Variants in RUNX1T1 observed in about 807,000 individuals in gnomAD.
RUNX1T1 encodes the protein RUNX1 partner transcriptional co-repressor 1, also known as protein CBFA2T1.
In RUNX1T1, 4 loss-of-function variants were observed where a neutral mutation model predicts 62.8. That is an observed-to-expected ratio of 0.06 (90% CI 0.03 to 0.15). The LOEUF (loss-of-function observed/expected upper bound fraction) is 0.15, where lower values mean the gene tolerates loss of function less well. RUNX1T1 is among the 10% of genes least tolerant of loss of function. RUNX1T1 has a pLI of 1.00. For missense variants in RUNX1T1, 508 were observed against 754.3 expected (o/e 0.67, Z 3.82); for synonymous variants, 291 against 286.0 (o/e 1.02, Z -0.18).
intron 1 of RUNX1T1, among the ~76,000 whole-genome samples, chr8:92,033,208 A>G (rs1826588216): frequency 6.6e-6 from 1 of 152,200 alleles, no homozygotes; most frequent in Admixed American, 6.5e-5. Flanking sequence ...CTATTCAACA[A>G]TAGGCATTTG....
intron 8 of RUNX1T1, among the ~76,000 whole-genome samples, chr8:91,976,523 C>T (rs1284190976): frequency 2.6e-5 from 4 of 152,148 alleles, no homozygotes; most frequent in Admixed American, 6.5e-5. Context: ...ATTTGACATA[C>T]GTGAAAGCCA....
At chr8:91,983,906 A>G (rs1815979119) in intron 8 of RUNX1T1, among the ~76,000 whole-genome samples, 1 of 152,200 alleles carries the variant, frequency 6.6e-6, no homozygotes, top group Non-Finnish European at 1.5e-5. Context: ...AAAAACTGTA[A>G]AAGCACTACT....
In RUNX1T1 at chr8:91,959,412, TTGTGTGTGTGTGTGTGTGTGTGTG is replaced by T. The variant is rs56037232; in HGVS notation, c.*806_*829del. 2.7e-4 allele frequency: 38 copies of T among 139,484 alleles called. 1 individual carries two copies. The highest frequency in any genetic ancestry group is 5.7e-4 in the African/African-American group (12 of 21,096). 8.6% of individuals were successfully genotyped at this position (139,484 alleles called of 1,614,324 possible). On this transcript the variant is annotated 3_prime_UTR_variant, in exon 11 of 11. Coordinates refer to ENST00000396218, the Ensembl canonical transcript of RUNX1T1. ...ATTAACTGCAGGCTGAGTCTCTTAC[TTGTGTGTGTGTGTGTGTGTGTGTG>T]TGTGTGTGTGTGTGTGTGTGTGTGT...
chr8:91,992,033 C>T (rs375698481), intron 5 of RUNX1T1, 144 bp from the exon 7 acceptor site: 24 of 843,336 alleles, frequency 2.8e-5, no homozygotes, highest in South Asian at 1.3e-4. Flanking sequence ...AGAAAACATA[C>T]GGGAATTCAC....
intron 8 of RUNX1T1, 65 bp from the exon 10 acceptor site, chr8:91,976,038 GCA>G: frequency 8.5e-7 from 1 of 1,169,710 alleles, no homozygotes; most frequent in Non-Finnish European, 1.3e-6. Context: ...TTGTGTCATC[GCA>G]CAGAGTGAAA....
chr8:91,991,994 G>T, intron 5 of RUNX1T1, 105 bp from the exon 7 acceptor site: 2 of 1,245,708 alleles, frequency 1.6e-6, no homozygotes, highest in Admixed American at 2.1e-5. Context: ...ATTTTTTATT[G>T]GCCAGAAACC....
intron 1 of RUNX1T1, among the ~76,000 whole-genome samples, chr8:92,047,851 C>T (rs1829649491): frequency 6.6e-6 from 1 of 152,104 alleles, no homozygotes; most frequent in Non-Finnish European, 1.5e-5. Flanking sequence ...GGACACCACA[C>T]CCACTTAATC....
chr8:92,036,248 G>A (rs967254903), intron 1 of RUNX1T1, among the ~76,000 whole-genome samples: 7 of 152,078 alleles, frequency 4.6e-5, no homozygotes, highest in Non-Finnish European at 7.3e-5. Flanking sequence ...AGATCTATAA[G>A]GTTGTTTTCA....
chr8:92,093,867 A>T (rs927569503), intron 1 of RUNX1T1, among the ~76,000 whole-genome samples: 3 of 152,240 alleles, frequency 2.0e-5, no homozygotes, highest in Admixed American at 2.0e-4. Flanking sequence ...TCATATTTTT[A>T]AACGTGCTCC....
chr8:92,082,214 G>A (rs945575480), intron 1 of RUNX1T1, among the ~76,000 whole-genome samples: 2 of 152,178 alleles, frequency 1.3e-5, no homozygotes, highest in Non-Finnish European at 2.9e-5. Flanking sequence ...ACTGTAAACA[G>A]TAACTTTTCT....
At chr8:92,052,413 A>G (rs1197994053) in intron 1 of RUNX1T1, among the ~76,000 whole-genome samples, 1 of 152,236 alleles carries the variant, frequency 6.6e-6, no homozygotes, top group Non-Finnish European at 1.5e-5. Flanking sequence ...CCAAGGCATA[A>G]TTAAACAAAT....
intron 5 of RUNX1T1, chr8:92,003,383 G>C (rs1192939429): frequency 2.2e-6 from 1 of 456,148 alleles, no homozygotes; most frequent in Admixed American, 2.3e-5. Flanking sequence ...GAAAATAGCT[G>C]GAAATACAGA....
chr8:92,045,943 C>G (rs373664571), intron 1 of RUNX1T1, among the ~76,000 whole-genome samples: 13 of 152,126 alleles, frequency 8.5e-5, no homozygotes, highest in African/African-American at 3.1e-4. Context: ...TTTTCAGGTA[C>G]TTTTAGACGG....
intron 1 of RUNX1T1, among the ~76,000 whole-genome samples, chr8:92,041,888 G>A (rs1440914431): frequency 2.0e-5 from 3 of 147,770 alleles, no homozygotes; most frequent in Non-Finnish European, 4.5e-5. Context: ...GTGAGATCTC[G>A]GCTTACTGCA....
intron 6 of RUNX1T1, among the ~76,000 whole-genome samples, chr8:91,988,346 T>G (rs906468112): frequency 1.3e-5 from 2 of 152,132 alleles, no homozygotes; most frequent in Non-Finnish European, 2.9e-5. Context: ...AAATTGTCAA[T>G]GCCACCTATT....
rs552730710 is a variant in RUNX1T1, at chr8:92,040,906, A to C, written c.7+21640T>G. On this transcript the variant is annotated intron_variant, in intron 1 of 10. Transcript: ENST00000396218. ...ATTTTTTTTTCAAATACGAGGTCTT[A>C]CTCTGTTGCCCAGGCTAGTCTCAAA... Among the ~76,000 whole-genome samples the C allele has an allele frequency of 2.0e-5, 3 of 152,218 alleles. No individual in the cohort carries two copies. The East Asian group carries it at 5.8e-4, about 29-fold the overall frequency.
chr8:91,961,046 G>C (rs1292312621), intron 10 of RUNX1T1, among the ~76,000 whole-genome samples: 1 of 152,188 alleles, frequency 6.6e-6, no homozygotes, highest in Non-Finnish European at 1.5e-5. Flanking sequence ...GACAAGGTGA[G>C]GCAAAGTCCT....
intron 1 of RUNX1T1, among the ~76,000 whole-genome samples, chr8:92,047,890 T>G (rs1457549643): frequency 6.6e-6 from 1 of 152,196 alleles, no homozygotes; most frequent in Admixed American, 6.5e-5. Flanking sequence ...CAACATCTGC[T>G]ACAGACCTTT....
chr8:92,058,940 T>C (rs1265722927), intron 1 of RUNX1T1, among the ~76,000 whole-genome samples: 2 of 152,250 alleles, frequency 1.3e-5, no homozygotes, highest in East Asian at 3.9e-4. Flanking sequence ...ACAATTATCA[T>C]TTTCAATAGA....
Sources: allele counts gnomAD v4.1 joint callset (sites outside exome capture counted in the v4.1 genomes callset), GRCh38; gene constraint gnomAD v4.1.1; transcripts MANE v1.5; gene names NCBI Gene and HGNC (gene_info 2026-07-23, HGNC 2026-07-21).